The following ST8SIA6 variants were observed in gnomAD, a reference collection of about 807,000 sequenced individuals.
ST8SIA6 encodes the protein alpha-2,8-sialyltransferase 8F.
Under a neutral mutation model 33.6 loss-of-function variants are expected in ST8SIA6, and 39 were observed. That is an observed-to-expected ratio of 1.16 (90% CI 0.90 to 1.52). ST8SIA6 has a LOEUF of 1.52. Ranked by LOEUF, ST8SIA6 falls within the 40% of genes most tolerant of loss-of-function variation. ST8SIA6 has a pLI of 0.00. For missense variants in ST8SIA6, 441 were observed against 443.8 expected, an observed-to-expected ratio of 0.99 and a Z score of 0.06; for synonymous variants, 172 against 167.2, an observed-to-expected ratio of 1.03 and a Z score of -0.22.
intron 6 of ST8SIA6, among the ~76,000 whole-genome samples, chr10:17,323,392 CTTT>C (rs760856694): frequency 6.3e-5 from 7 of 111,868 alleles, no homozygotes; most frequent in Non-Finnish European, 7.1e-5. Context: ...AAATATACAC[CTTT>C]TTTTTTTTTT....
chr10:17,440,351 G>A (rs368894166), intron 2 of ST8SIA6, among the ~76,000 whole-genome samples: 5 of 151,582 alleles, frequency 3.3e-5, no homozygotes, highest in Admixed American at 6.6e-5. Context: ...GATTACAGGC[G>A]CCCGCCACCA....
chr10:17,367,053 T>G (rs1318204619), intron 3 of ST8SIA6, among the ~76,000 whole-genome samples: 2 of 152,206 alleles, frequency 1.3e-5, no homozygotes, highest in Non-Finnish European at 2.9e-5. Flanking sequence ...GTAACTGAAT[T>G]GTACTTCAAT....
rs1588781638 is a variant in ST8SIA6, at chr10:17,326,935, A to G, written c.635+79T>C. On this transcript the variant is annotated intron_variant, in intron 6 of 7. Transcript: ENST00000377602. Reference sequence around the variant, plus strand: ...CAGAGCTCAAAGGTGAAAATATACAATGGATATCTTTACACTATCCCCCTC... The same window carrying G: ...CAGAGCTCAAAGGTGAAAATATACAGTGGATATCTTTACACTATCCCCCTC... The G allele has an allele frequency of 9.0e-6, 9 of 998,096 alleles. No individual in the cohort carries two copies. The South Asian group carries it at 1.4e-4, about 15-fold the overall frequency. The allele number at this position is 998,096 out of a possible 1,614,324, so 61.8% of individuals were successfully genotyped here.
intron 3 of ST8SIA6, among the ~76,000 whole-genome samples, chr10:17,376,406 C>G (rs943344558): frequency 9.2e-5 from 14 of 152,060 alleles, no homozygotes; most frequent in African/African-American, 3.4e-4. Context: ...TGTGTCTACT[C>G]TAACCAAATG....
In ST8SIA6 at chr10:17,390,575, T is replaced by G. The variant is rs745312848; in HGVS notation, c.246A>C (p.Lys82Asn). ...AAGACTCAATGCCATATTGCAGATT[T>G]TTGCATTTCTCCGTCAGTTGGAGCG... ...EKSLQLTEKC[K>N]NLQYGIESFS... is the part of the protein sequence containing the mutation. The change falls in exon 3 of 8, where the codon AAA becomes AAC. Residue 82 changes from lysine to asparagine, a missense_variant. Transcript: ENST00000377602. 1.2e-6 allele frequency: 2 copies of G among 1,614,140 alleles called. No homozygotes were observed. Among genetic ancestry groups the G allele is most frequent in the Non-Finnish European group, 1.7e-6 (2 of 1,179,984 alleles).
chr10:17,426,083 C>T, intron 2 of ST8SIA6, among the ~76,000 whole-genome samples: 1 of 152,106 alleles, frequency 6.6e-6, no homozygotes. Context: ...TCACATCCTC[C>T]CACAGGCACT....
At chr10:17,339,901 G>A (rs1848619669) in intron 4 of ST8SIA6, among the ~76,000 whole-genome samples, 1 of 152,148 alleles carries the variant, frequency 6.6e-6, no homozygotes, top group Admixed American at 6.5e-5. Flanking sequence ...TATGAGAAGT[G>A]CTGGCTACAC....
In ST8SIA6 at chr10:17,317,067, A is replaced by G. The variant is rs1437174807; in HGVS notation, c.*3811T>C. 1.3e-5 allele frequency among the ~76,000 whole-genome samples: 2 copies of G among 152,134 alleles called. No individual in the cohort carries two copies. The highest frequency in any genetic ancestry group is 4.8e-5 in the African/African-American group (2 of 41,430). On this transcript the variant is annotated 3_prime_UTR_variant, in exon 8 of 8. Coordinates refer to ENST00000377602, the MANE Select transcript of ST8SIA6 (RefSeq NM_001004470.3). ...ACATAATTCTCCTACATTTTCTTCT[A>G]TGAGCTTTAAAGTTTTCTTTTTAAT...
Position 17,327,029 on chromosome 10 carries a change from G to C in ST8SIA6, c.620C>G (p.Ser207Cys), listed in dbSNP as rs778598960. The change falls in exon 6 of 8, where the codon TCC becomes TGC. Residue 207 changes from serine to cysteine, a missense_variant. Ser to Cys is a moderately radical substitution (Grantham distance 112). Coordinates refer to ENST00000377602, the MANE Select transcript of ST8SIA6 (RefSeq NM_001004470.3). ...CAGGTCTTACCTAAAAACGAAGTCG[G>C]ATTTATCTATTTCAGTTCCACAGAG... ...KSLCGTEIDK[S>C]DFVFRCNLPP... 1 of 1,600,322 alleles carries C rather than the reference G, an allele frequency of 6.2e-7. No homozygotes were observed.
intron 4 of ST8SIA6, among the ~76,000 whole-genome samples, chr10:17,334,176 T>G (rs1175689122): frequency 6.6e-6 from 1 of 152,032 alleles, no homozygotes; most frequent in African/African-American, 2.4e-5. Flanking sequence ...ATACGAACTT[T>G]CTTCTGATGA....
At chr10:17,425,438 G>A (rs117703112) in intron 2 of ST8SIA6, among the ~76,000 whole-genome samples, 1 of 152,032 alleles carries the variant, frequency 6.6e-6, no homozygotes, top group Admixed American at 6.6e-5. Flanking sequence ...GCATGGTGGT[G>A]CGCCTGTAAT....
chr10:17,389,238 A>T (rs1222704526), intron 3 of ST8SIA6, among the ~76,000 whole-genome samples: 2 of 151,744 alleles, frequency 1.3e-5, no homozygotes, highest in African/African-American at 2.4e-5. Context: ...GAGTAATAAA[A>T]CTCCGGTCTC....
chr10:17,378,413 A>C (rs1395265637), intron 3 of ST8SIA6, among the ~76,000 whole-genome samples: 1 of 152,222 alleles, frequency 6.6e-6, no homozygotes, highest in Non-Finnish European at 1.5e-5. Context: ...AGTCAAAGGC[A>C]AGTTTTACTC....
At chr10:17,338,031 CT>C (rs71393003) in intron 4 of ST8SIA6, among the ~76,000 whole-genome samples, 1,863 of 131,334 alleles carry the variant, frequency 0.014, 24 homozygotes, top group African/African-American at 0.045. Context: ...AAATACTATT[CT>C]TTTTTTTTTT....
chr10:17,426,286 A>G (rs1164263165), intron 2 of ST8SIA6, among the ~76,000 whole-genome samples: 2 of 152,154 alleles, frequency 1.3e-5, no homozygotes, highest in Non-Finnish European at 2.9e-5. Context: ...AGGTATCCCC[A>G]TAATCCTGGG....
intron 3 of ST8SIA6, among the ~76,000 whole-genome samples, chr10:17,380,852 T>TG (rs1272854577): frequency 9.3e-5 from 8 of 86,136 alleles, no homozygotes; most frequent in African/African-American, 2.5e-4. Flanking sequence ...CGTTTGTGTG[T>TG]TTGTGTGTAT....
intron 4 of ST8SIA6, among the ~76,000 whole-genome samples, chr10:17,332,408 C>G (rs1041012543): frequency 3.9e-5 from 6 of 152,174 alleles, no homozygotes; most frequent in African/African-American, 1.4e-4. Flanking sequence ...ACACTCCCAC[C>G]AACAGTGTAA....
At position 17,389,453 on chromosome 10, in the gene ST8SIA6, G is replaced by A. The variant is rs996926242; in HGVS notation, c.290+1078C>T. Among the ~76,000 whole-genome samples the A allele has an allele frequency of 2.0e-5, 3 of 152,132 alleles. No homozygotes were observed. The East Asian group carries it at 5.8e-4, about 29-fold the overall frequency. ...AGGGAGGTTACAGGCATAACCTCGT[G>A]TCCCTGCCCAACACACACACATCCT... is the stretch of plus-strand genomic sequence containing the variant. On this transcript the variant is annotated intron_variant, in intron 3 of 7. Transcript: ENST00000377602.
chr10:17,373,709 C>T (rs1170054433), intron 3 of ST8SIA6, among the ~76,000 whole-genome samples: 3 of 152,114 alleles, frequency 2.0e-5, no homozygotes, highest in South Asian at 2.1e-4. Flanking sequence ...CTATCTTTCC[C>T]GGTGCCACTT....
Sources: allele counts gnomAD v4.1 joint callset (sites outside exome capture counted in the v4.1 genomes callset), GRCh38; gene constraint gnomAD v4.1.1; transcripts MANE v1.5; gene names NCBI Gene and HGNC (gene_info 2026-07-23, HGNC 2026-07-21).